Variants in PRLR observed in about 807,000 individuals in gnomAD.
The protein encoded by PRLR is prolactin receptor.
In PRLR, 13 loss-of-function variants were observed where a neutral mutation model predicts 40.2. That is an observed-to-expected ratio of 0.32 (90% CI 0.21 to 0.51). The LOEUF (loss-of-function observed/expected upper bound fraction) is 0.51, where lower values mean the gene tolerates loss of function less well. Ranked by LOEUF, PRLR falls within the 20% of genes least tolerant of loss-of-function variation. The pLI, the probability that PRLR is intolerant of heterozygous loss-of-function variation, is 0.97. For synonymous variants in PRLR, 269 were observed against 278.7 expected, an observed-to-expected ratio of 0.97 and a Z score of 0.35; for missense variants, 656 against 747.3, an observed-to-expected ratio of 0.88 and a Z score of 1.42.
intron 1 of PRLR, among the ~76,000 whole-genome samples, chr5:35,138,136 G>A (rs1288650583): frequency 3.9e-5 from 6 of 152,150 alleles, no homozygotes; most frequent in African/African-American, 7.2e-5. Flanking sequence ...GAAAATGTTC[G>A]ACAAAAATTA....
chr5:35,145,554 G>A (rs1774159684), intron 1 of PRLR, among the ~76,000 whole-genome samples: 1 of 152,132 alleles, frequency 6.6e-6, no homozygotes, highest in African/African-American at 2.4e-5. Context: ...TTGGCTTGAG[G>A]ATTTCCATGG....
intron 2 of PRLR, among the ~76,000 whole-genome samples, chr5:35,103,477 T>A (rs533828598): frequency 6.6e-6 from 1 of 152,170 alleles, no homozygotes; most frequent in South Asian, 2.1e-4. Flanking sequence ...TAAATCTTCA[T>A]TGACTCACTG....
At chr5:35,133,467 A>T (rs1773750625) in intron 1 of PRLR, among the ~76,000 whole-genome samples, 1 of 152,174 alleles carries the variant, frequency 6.6e-6, no homozygotes, top group Admixed American at 6.5e-5. Flanking sequence ...CAGCAAACTG[A>T]TTCTTTAGGA....
At position 35,056,681 on chromosome 5, in the gene PRLR, A is replaced by G. The variant is rs1246760404; in HGVS notation, c.*8408T>C. ...ATATTACTTCTCCAGCTCATCATTA[A>G]TTGTATAGAACCTGTGTCTGGTGAC... On this transcript the variant is annotated 3_prime_UTR_variant, in exon 10 of 10. Coordinates refer to ENST00000618457, the MANE Select transcript of PRLR (RefSeq NM_000949.7). 3 of 152,152 alleles carry G rather than the reference A, an allele frequency of 2.0e-5. No individual in the cohort carries two copies. Among genetic ancestry groups the G allele is most frequent in the Non-Finnish European group, 4.4e-5 (3 of 68,002 alleles). The allele number at this position is 152,152 out of a possible 1,614,324, so 9.4% of individuals were successfully genotyped here. A position where few individuals can be genotyped will look rare whatever the true frequency, so the allele number is the denominator to read the frequency against.
At chr5:35,067,200 T>G (rs1489752225) in intron 9 of PRLR, among the ~76,000 whole-genome samples, 1 of 152,210 alleles carries the variant, frequency 6.6e-6, no homozygotes, top group Admixed American at 6.5e-5. Context: ...AAAATAATAT[T>G]AATACTACCC....
At chr5:35,174,411 C>T (rs915798867) in intron 1 of PRLR, among the ~76,000 whole-genome samples, 2 of 152,122 alleles carry the variant, frequency 1.3e-5, no homozygotes, top group Non-Finnish European at 2.9e-5. Context: ...TTTTCTACAT[C>T]GACACATGCA....
intron 1 of PRLR, among the ~76,000 whole-genome samples, chr5:35,133,859 A>G (rs4142989): frequency 0.026 from 3,928 of 152,334 alleles, 87 homozygotes; most frequent in Middle Eastern, 0.092. Context: ...AAAACAGACC[A>G]CACTCAGAAA....
intron 1 of PRLR, among the ~76,000 whole-genome samples, chr5:35,224,017 C>T (rs1296517071): frequency 1.3e-5 from 2 of 152,158 alleles, no homozygotes; most frequent in Admixed American, 6.5e-5. Context: ...CCTGGGATGT[C>T]GCAGGAGCTT....
chr5:35,100,647 C>T (rs535946266), intron 2 of PRLR, among the ~76,000 whole-genome samples: 1 of 152,270 alleles, frequency 6.6e-6, no homozygotes, highest in South Asian at 2.1e-4. Flanking sequence ...TGTAAGTACA[C>T]TTTATGATGT....
chr5:35,228,935 G>C (rs974646344), intron 1 of PRLR, among the ~76,000 whole-genome samples: 7 of 151,978 alleles, frequency 4.6e-5, no homozygotes, highest in Admixed American at 1.3e-4. Flanking sequence ...AACCCTCAGG[G>C]ATTGCATGTA....
At chr5:35,163,858 G>A (rs1007186834) in intron 1 of PRLR, among the ~76,000 whole-genome samples, 4 of 152,212 alleles carry the variant, frequency 2.6e-5, no homozygotes, top group African/African-American at 4.8e-5. Context: ...ACTGATTGCT[G>A]ACTATGTAGA....
chr5:35,138,108 T>C (rs1405374556), intron 1 of PRLR, among the ~76,000 whole-genome samples: 1 of 152,198 alleles, frequency 6.6e-6, no homozygotes, highest in African/African-American at 2.4e-5. Context: ...ATCTCAGGCT[T>C]GAGGCTTAGA....
rs148437183 is a variant in PRLR at position 35,102,600 on chromosome 5, T to G, written c.-43-12937A>C. Among the ~76,000 whole-genome samples, 556 of 150,256 alleles carry G rather than the reference T, an allele frequency of 3.7e-3. 3 individuals carry two copies. Among genetic ancestry groups the G allele is most frequent in the African/African-American group, 0.012 (480 of 40,904 alleles). ...CTCTGTTGCCCAGGCTGGAGTGCAG[T>G]GGCCCAATCTTGGCTCACTGCAACC... On this transcript the variant is annotated intron_variant, in intron 2 of 9. Transcript: ENST00000618457.
chr5:35,146,745 C>T (rs981346472), intron 1 of PRLR, among the ~76,000 whole-genome samples: 5 of 152,178 alleles, frequency 3.3e-5, no homozygotes, highest in African/African-American at 1.2e-4. Context: ...GAGACAAATG[C>T]TTTTGCTGGA....
At chr5:35,165,667 A>G (rs1206219667) in intron 1 of PRLR, among the ~76,000 whole-genome samples, 4 of 152,182 alleles carry the variant, frequency 2.6e-5, no homozygotes, top group African/African-American at 9.7e-5. Flanking sequence ...GTACGATCTT[A>G]CCTTGGGGTA....
intron 1 of PRLR, among the ~76,000 whole-genome samples, chr5:35,126,751 A>G (rs1773483141): frequency 6.6e-6 from 1 of 152,208 alleles, no homozygotes; most frequent in African/African-American, 2.4e-5. Flanking sequence ...TGTACACAGT[A>G]TCTAGGAAAT....
chr5:35,224,946 T>A (rs2111686941), intron 1 of PRLR, among the ~76,000 whole-genome samples: 1 of 152,296 alleles, frequency 6.6e-6, no homozygotes, highest in East Asian at 1.9e-4. Flanking sequence ...GGTGGTCTTT[T>A]GTGATGCCCC....
intron 1 of PRLR, among the ~76,000 whole-genome samples, chr5:35,227,614 T>C (rs1776584413): frequency 6.6e-6 from 1 of 152,242 alleles, no homozygotes; most frequent in Admixed American, 6.5e-5. Context: ...TGATAGATCT[T>C]TGGCTACTCT....
chr5:35,065,471 T>C lies in PRLR; in HGVS notation c.1487A>G (p.Gln496Arg). The change falls in exon 10 of 10, where the codon CAG (glutamine) becomes CGG (arginine). Residue 496 changes from glutamine (Q) to arginine (R), a missense_variant. By Grantham distance (43) the Gln-to-Arg change is conservative. This residue lies in a region of PRLR where 469 missense variants were observed against 491.5 expected (regional missense o/e 0.95). Coordinates refer to ENST00000618457, the MANE Select transcript of PRLR (RefSeq NM_000949.7). ...AGCGGAGCCAAAGGGGGTTTTCTCC[T>C]GGGGCAGCAGCCAGGGCGTATCCTG... ...TDQDTPWLLP[Q>R]EKTPFGSAKP... 6.2e-7 allele frequency: 1 copy of C among 1,614,206 alleles called. No homozygotes were observed. Among genetic ancestry groups the C allele is most frequent in the Non-Finnish European group, 8.5e-7 (1 of 1,180,038 alleles).
Sources: gnomAD v4.1 joint callset for allele counts (sites outside exome capture counted in the v4.1 genomes callset) on GRCh38, gnomAD v4.1.1 for gene constraint, gnomAD v4.1.1 regional missense constraint, MANE v1.5 for transcripts, NCBI Gene and HGNC (gene_info 2026-07-23, HGNC 2026-07-21) for gene names.